RBFOX1: variants seen among roughly 807,000 people sequenced by gnomAD.
RBFOX1 encodes RNA binding protein fox-1 homolog 1.
Under a neutral mutation model 57.7 loss-of-function variants are expected in RBFOX1, and 8 were observed. The ratio of observed to expected loss-of-function variants is 0.14; its 90% CI spans 0.08 to 0.25. The LOEUF (loss-of-function observed/expected upper bound fraction) is 0.25, where lower values mean the gene tolerates loss of function less well. RBFOX1 is among the 10% of genes least tolerant of loss of function. The pLI, the probability that RBFOX1 is intolerant of heterozygous loss-of-function variation, is 1.00. For missense variants in RBFOX1, 611 were observed against 548.5 expected (o/e 1.11, Z -1.14); for synonymous variants, 326 against 222.4 (o/e 1.47, Z -4.15).
At chr16:6,840,083 T>C (rs9889163) in intron 3 of RBFOX1, among the ~76,000 whole-genome samples, 82,892 of 152,036 alleles carry the variant, frequency 0.55, 23,888 homozygotes, top group East Asian at 0.87. Flanking sequence ...AAAATTAAAA[T>C]GCTGATCAGT....
Position 6,767,215 on chromosome 16 carries a change from C to G in RBFOX1, c.-16+112565C>G, listed in dbSNP as rs1005310971. Among the ~76,000 whole-genome samples, 18 of 152,164 alleles carry G rather than the reference C, an allele frequency of 1.2e-4. 1 individual carries two copies. Among genetic ancestry groups the G allele is most frequent in the African/African-American group, 4.3e-4 (18 of 41,508 alleles). On this transcript the variant is annotated intron_variant, in intron 3 of 15. Coordinates refer to ENST00000550418, the MANE Select transcript of RBFOX1 (RefSeq NM_018723.4). ...CTAAACCTAGCCAGCTGGCATAACT[C>G]CAATTCCCAGCCACAGGGACTGGCT...
At chr16:6,919,565 C>G (rs894287331) in intron 3 of RBFOX1, among the ~76,000 whole-genome samples, 11 of 152,194 alleles carry the variant, frequency 7.2e-5, no homozygotes, top group African/African-American at 2.6e-4. Flanking sequence ...CATTTCTCCA[C>G]TTCCTATGGC....
intron 4 of RBFOX1, among the ~76,000 whole-genome samples, chr16:5,895,368 T>G (rs1187015184): frequency 6.6e-6 from 1 of 152,192 alleles, no homozygotes; most frequent in African/African-American, 2.4e-5. Context: ...AGATATTAGA[T>G]TTCTAAGATG....
chr16:5,726,808 T>C (rs1446744147), intron 3 of RBFOX1, among the ~76,000 whole-genome samples: 1 of 152,222 alleles, frequency 6.6e-6, no homozygotes, highest in Non-Finnish European at 1.5e-5. Flanking sequence ...CTTTGCCCCT[T>C]TACACATTGA....
At chr16:6,631,916 A>G (rs1437143392) in intron 2 of RBFOX1, among the ~76,000 whole-genome samples, 1 of 152,208 alleles carries the variant, frequency 6.6e-6, no homozygotes, top group African/African-American at 2.4e-5. Flanking sequence ...GAGCAGGAAA[A>G]GGTAGGAGAG....
intron 2 of RBFOX1, among the ~76,000 whole-genome samples, chr16:6,557,352 T>C (rs1390576505): frequency 6.6e-6 from 1 of 151,880 alleles, no homozygotes; most frequent in East Asian, 1.9e-4. Flanking sequence ...GCTTTGAAAA[T>C]AATTGCTAAG....
At chr16:6,348,628 T>A (rs1449975201) in intron 2 of RBFOX1, among the ~76,000 whole-genome samples, 1 of 152,122 alleles carries the variant, frequency 6.6e-6, no homozygotes, top group African/African-American at 2.4e-5. Context: ...CTTTTACTCA[T>A]GACGGAAGGC....
chr16:6,716,240 G>A (rs2064796169), intron 3 of RBFOX1, among the ~76,000 whole-genome samples: 1 of 152,150 alleles, frequency 6.6e-6, no homozygotes, highest in Admixed American at 6.5e-5. Context: ...CTCTTAGTAT[G>A]TATTTCCCCT....
intron 4 of RBFOX1, among the ~76,000 whole-genome samples, chr16:5,953,044 C>T (rs917140995): frequency 1.4e-5 from 2 of 144,266 alleles, no homozygotes; most frequent in Non-Finnish European, 3.0e-5. Flanking sequence ...GTAGAATCTC[C>T]TGCGGAAGAT....
chr16:5,568,144 T>C (rs2046138373), intron 2 of RBFOX1, among the ~76,000 whole-genome samples: 1 of 152,202 alleles, frequency 6.6e-6, no homozygotes, highest in Admixed American at 6.5e-5. Flanking sequence ...GTACTCAGCA[T>C]TGCATTCAAA....
chr16:7,031,568 T>G (rs2042798893), intron 3 of RBFOX1, among the ~76,000 whole-genome samples: 1 of 149,850 alleles, frequency 6.7e-6, no homozygotes. Context: ...GCCACTGCAC[T>G]CCAGCCGAGG....
chr16:7,634,315 A>G (rs1596988517), intron 11 of RBFOX1, among the ~76,000 whole-genome samples: 1 of 151,818 alleles, frequency 6.6e-6, no homozygotes, highest in Non-Finnish European at 1.5e-5. Context: ...GACTTGCAAG[A>G]TAACTCTGGA....
chr16:7,648,229 ATTTT>A (rs563344773), intron 11 of RBFOX1, among the ~76,000 whole-genome samples: 29 of 151,612 alleles, frequency 1.9e-4, no homozygotes, highest in African/African-American at 6.3e-4. Context: ...TTATTTATTT[ATTTT>A]TTTTGAGACT....
intron 2 of RBFOX1, among the ~76,000 whole-genome samples, chr16:5,524,807 C>G (rs755908678): frequency 6.6e-6 from 1 of 152,082 alleles, no homozygotes; most frequent in Non-Finnish European, 1.5e-5. Context: ...TCCCGAAGTG[C>G]TGGGATTACA....
intron 3 of RBFOX1, among the ~76,000 whole-genome samples, chr16:5,855,144 A>G (rs942886821): frequency 2.6e-5 from 4 of 152,172 alleles, no homozygotes; most frequent in African/African-American, 9.7e-5. Context: ...TTAGATATAT[A>G]GTTTAGAAGT....
At chr16:6,592,613 A>G (rs1454730198) in intron 2 of RBFOX1, among the ~76,000 whole-genome samples, 8 of 152,184 alleles carry the variant, frequency 5.3e-5, no homozygotes, top group African/African-American at 9.7e-5. Flanking sequence ...TTGAAGAGAT[A>G]TACATATGGG....
At chr16:6,746,091 A>G (rs1431391197) in intron 3 of RBFOX1, among the ~76,000 whole-genome samples, 1 of 152,198 alleles carries the variant, frequency 6.6e-6, no homozygotes, top group Admixed American at 6.5e-5. Flanking sequence ...TATACCCTTA[A>G]AACTACAGAA....
chr16:6,082,435 C>T (rs2096017715), intron 1 of RBFOX1, among the ~76,000 whole-genome samples: 1 of 131,778 alleles, frequency 7.6e-6, no homozygotes, highest in South Asian at 2.5e-4. Context: ...CCTCAGAGTG[C>T]TGGGATTACA....
intron 1 of RBFOX1, among the ~76,000 whole-genome samples, chr16:6,238,766 A>G (rs2097524617): frequency 6.6e-6 from 1 of 152,016 alleles, no homozygotes; most frequent in Non-Finnish European, 1.5e-5. Flanking sequence ...AAATGTTTTT[A>G]ATGTTTAATT....
Sources: allele counts gnomAD v4.1 joint callset (sites outside exome capture counted in the v4.1 genomes callset), GRCh38; gene constraint gnomAD v4.1.1; transcripts MANE v1.5; gene names NCBI Gene and HGNC (gene_info 2026-07-23, HGNC 2026-07-21).